The following CC2D2B variants were observed in gnomAD, a reference collection of about 807,000 sequenced individuals.
The protein encoded by CC2D2B is coiled-coil and C2 domain containing 2B, also known as protein CC2D2B.
CC2D2B carries 128 observed loss-of-function variants against 161.2 expected under a neutral mutation model. That is an observed-to-expected ratio of 0.79 (90% CI 0.69 to 0.92). The LOEUF (loss-of-function observed/expected upper bound fraction) is 0.92, where lower values mean the gene tolerates loss of function less well. Ranked by LOEUF, CC2D2B falls within the 40% of genes least tolerant of loss-of-function variation. The probability of loss-of-function intolerance (pLI) is 0.00; values close to 1 mark genes in which losing one functional copy is unlikely to be tolerated. For synonymous variants in CC2D2B, 391 were observed against 449.8 expected (o/e 0.87, Z 1.65); for missense variants, 1,173 against 1,375.1 (o/e 0.85, Z 2.32).
intron 20 of CC2D2B, among the ~76,000 whole-genome samples, chr10:95,991,016 T>C (rs1415136093): frequency 6.6e-6 from 1 of 152,216 alleles, no homozygotes; most frequent in Non-Finnish European, 1.5e-5. Flanking sequence ...CTAGTGGCTA[T>C]TGTAGAAGTG....
rs1391984357 is a variant in CC2D2B at position 95,924,351 on chromosome 10, A to G, written c.135A>G (p.Thr45=). The change falls in exon 4 of 35, where the codon ACA becomes ACG. Residue 45 remains threonine (T), a synonymous_variant. Transcript: ENST00000646931. ...DAEENQNVAK[T]LRGKVREKLK... ...AAGAAAATCAAAATGTAGCAAAGAC[A>G]TTGAGAGGCAAAGTGAGAGAAAAGC... The G allele has an allele frequency of 2.0e-6, 3 of 1,528,168 alleles. No homozygotes were observed. The highest frequency in any genetic ancestry group is 4.3e-5 in the Admixed American group (2 of 46,896). 94.7% of individuals were successfully genotyped at this position (1,528,168 alleles called of 1,614,324 possible).
chr10:95,929,246 TTG>T (rs944115647), intron 6 of CC2D2B, among the ~76,000 whole-genome samples: 24 of 152,170 alleles, frequency 1.6e-4, no homozygotes, highest in African/African-American at 5.6e-4. Context: ...TTTGATGGGG[TTG>T]TTTTTTCTTG....
chr10:96,031,203 A>G (rs1332186713), intron 34 of CC2D2B, among the ~76,000 whole-genome samples: 1 of 152,208 alleles, frequency 6.6e-6, no homozygotes, highest in Non-Finnish European at 1.5e-5. Flanking sequence ...AGAGACCAGA[A>G]AACAGGTAAT....
intron 2 of CC2D2B, among the ~76,000 whole-genome samples, chr10:95,912,046 T>C (rs761749279): frequency 3.3e-5 from 5 of 152,186 alleles, no homozygotes; most frequent in Non-Finnish European, 7.4e-5. Flanking sequence ...GGAAAGTTTA[T>C]AGACTGGGCT....
chr10:95,915,563 G>A (rs915761147), intron 2 of CC2D2B, among the ~76,000 whole-genome samples: 6 of 152,086 alleles, frequency 3.9e-5, no homozygotes, highest in Non-Finnish European at 5.9e-5. Flanking sequence ...CTTTTAGTGC[G>A]TTGGGGTATG....
At chr10:96,029,029 A>G (rs1003960777) in intron 34 of CC2D2B, among the ~76,000 whole-genome samples, 4 of 152,062 alleles carry the variant, frequency 2.6e-5, no homozygotes, top group Admixed American at 6.6e-5. Flanking sequence ...TACAAAAAAT[A>G]GAATGAATAA....
chr10:96,005,905 A>G (rs2078728783), intron 25 of CC2D2B, among the ~76,000 whole-genome samples: 2 of 152,172 alleles, frequency 1.3e-5, no homozygotes, highest in African/African-American at 4.8e-5. Context: ...TATTTTCAAG[A>G]TTTTAAAATG....
intron 11 of CC2D2B, among the ~76,000 whole-genome samples, chr10:95,957,165 A>G (rs1218566118): frequency 6.6e-6 from 1 of 152,110 alleles, no homozygotes; most frequent in Non-Finnish European, 1.5e-5. Context: ...ATTTTTCAGG[A>G]GCCCAAGGTA....
intron 24 of CC2D2B, among the ~76,000 whole-genome samples, chr10:96,001,962 C>G (rs1480562831): frequency 6.6e-6 from 1 of 152,044 alleles, no homozygotes; most frequent in African/African-American, 2.4e-5. Context: ...TGTATAATAT[C>G]AAGTTAAATA....
At chr10:95,965,104 T>C (rs2141446662) in intron 12 of CC2D2B, among the ~76,000 whole-genome samples, 1 of 152,266 alleles carries the variant, frequency 6.6e-6, no homozygotes, top group Middle Eastern at 3.4e-3. Flanking sequence ...TGTAATATTT[T>C]ACCAAAGGAT....
At chr10:96,012,457 AT>A in intron 27 of CC2D2B, 74 bp from the exon 28 acceptor site, 1 of 1,097,444 alleles carries the variant, frequency 9.1e-7, no homozygotes, top group Non-Finnish European at 1.4e-6. Flanking sequence ...GATGGCAAAA[AT>A]AAACATTGGT....
intron 34 of CC2D2B, among the ~76,000 whole-genome samples, chr10:96,028,728 T>G (rs767284606): frequency 6.6e-6 from 1 of 152,208 alleles, no homozygotes; most frequent in Non-Finnish European, 1.5e-5. Context: ...GCAACCTAAG[T>G]GTCCATCAAT....
chr10:95,924,189 T>C (rs182817770), intron 3 of CC2D2B, 125 bp from the exon 4 acceptor site: 1 of 495,794 alleles, frequency 2.0e-6, no homozygotes, highest in African/African-American at 2.0e-5. Context: ...ATAACCTAGT[T>C]TTCATAATTG....
Position 95,968,828 on chromosome 10 carries a change from T to C in CC2D2B, c.1571T>C (p.Phe524Ser), listed in dbSNP as rs2077027623. 2 of 1,221,064 alleles carry C rather than the reference T, an allele frequency of 1.6e-6. No homozygotes were observed. The highest frequency in any genetic ancestry group is 8.3e-5 in the South Asian group (2 of 24,106). 75.6% of individuals were successfully genotyped at this position (1,221,064 alleles called of 1,614,324 possible). The change falls in exon 15 of 35, where the codon TTT becomes TCT. Residue 524 changes from phenylalanine (F) to serine (S), a missense_variant. Coordinates refer to ENST00000646931, the MANE Select transcript of CC2D2B (RefSeq NM_001349008.3). ...TGTACTTCAGTATCTCCCCTACAGT[T>C]TGATTTTAAAGTCATGTTTCAGCAA... ...VSCTSVSPLQFDFKVMFQQIF... is the reference protein window; with the variant it reads ...VSCTSVSPLQSDFKVMFQQIF...
At chr10:96,026,638 A>G (rs538043308) in intron 33 of CC2D2B, among the ~76,000 whole-genome samples, 7 of 152,280 alleles carry the variant, frequency 4.6e-5, no homozygotes, top group Non-Finnish European at 8.8e-5. Context: ...AGCTGCCTAC[A>G]TACGGGTAAC....
intron 9 of CC2D2B, among the ~76,000 whole-genome samples, chr10:95,939,626 G>T (rs1321349798): frequency 2.6e-5 from 4 of 152,168 alleles, no homozygotes; most frequent in African/African-American, 9.6e-5. Flanking sequence ...AGTTTCAGCT[G>T]CTTTATATTC....
chr10:96,009,939 T>G lies in CC2D2B; in HGVS notation c.3045+16T>G, dbSNP rs747799779. ...ACAATCTGAGGTAAGAGAAAATGCT[T>G]CTTTGCTCATTCTAAGTTTTGACCT... On this transcript the variant is annotated intron_variant, in intron 26 of 34. Coordinates refer to ENST00000646931, the MANE Select transcript of CC2D2B (RefSeq NM_001349008.3). 295 of 1,503,552 alleles carry G rather than the reference T, an allele frequency of 2.0e-4. 3 individuals carry two copies. The East Asian group carries it at 6.4e-3, about 32-fold the overall frequency. The allele number at this position is 1,503,552 out of a possible 1,614,324, so 93.1% of individuals were successfully genotyped here.
chr10:95,949,738 A>C (rs1198199844), intron 9 of CC2D2B, among the ~76,000 whole-genome samples, 158 bp from the exon 10 acceptor site: 52 of 152,188 alleles, frequency 3.4e-4, no homozygotes, highest in Non-Finnish European at 4.4e-5. Flanking sequence ...TAAGGGCCAT[A>C]ATCAATTTAA....
intron 9 of CC2D2B, among the ~76,000 whole-genome samples, chr10:95,945,570 T>G (rs1325234489): frequency 6.6e-6 from 1 of 152,138 alleles, no homozygotes; most frequent in African/African-American, 2.4e-5. Flanking sequence ...TTTTATATAT[T>G]TACATAGATT....
Sources: gnomAD v4.1 joint callset for allele counts (sites outside exome capture counted in the v4.1 genomes callset) on GRCh38, gnomAD v4.1.1 for gene constraint, MANE v1.5 for transcripts, NCBI Gene and HGNC (gene_info 2026-07-23, HGNC 2026-07-21) for gene names.